KIF16B: variants seen among roughly 807,000 people sequenced by gnomAD.
KIF16B encodes kinesin-like protein KIF16B.
KIF16B carries 98 observed loss-of-function variants against 156.3 expected under a neutral mutation model. That is an observed-to-expected ratio of 0.63 (90% confidence interval 0.53 to 0.74). The LOEUF is 0.74. KIF16B is among the 30% of genes least tolerant of loss of function. The pLI is 0.00. For synonymous variants in KIF16B, 564 were observed against 583.7 expected (o/e 0.97, Z 0.49); for missense variants, 1,421 against 1,606.5 (o/e 0.88, Z 1.97).
At chr20:16,346,290 A>T (rs148602270) in intron 23 of KIF16B, among the ~76,000 whole-genome samples, 105 of 152,364 alleles carry the variant, frequency 6.9e-4, no homozygotes, top group African/African-American at 2.4e-3. Flanking sequence ...GTCTGTGGGT[A>T]ACACAAATGG....
In KIF16B at chr20:16,379,877, G is replaced by A; in HGVS notation, c.2125C>T (p.Leu709Phe). 6.2e-7 allele frequency: 1 copy of A among 1,614,192 alleles called. No homozygotes were observed. ...EETFLRVQEELQRLKELNNNE... is the reference protein window; with the variant it reads ...EETFLRVQEEFQRLKELNNNE... ...TTGTTGAGTTCTTTGAGTCGTTGGA[G>A]TTCTTCTTGGACGCGGAGAAAGGTC... is the stretch of plus-strand genomic sequence containing the variant. Residue 709 changes from leucine to phenylalanine, a missense_variant, in exon 19 of 26, where the codon CTC becomes TTC. Transcript: ENST00000354981.
intron 16 of KIF16B, among the ~76,000 whole-genome samples, chr20:16,405,479 C>T (rs183465911): frequency 1.3e-5 from 2 of 152,316 alleles, no homozygotes; most frequent in East Asian, 3.9e-4. Flanking sequence ...CAGGAGAAGG[C>T]TGAGGTTTGC....
chr20:16,300,302 C>T lies in KIF16B; in HGVS notation c.3795+12033G>A, dbSNP rs1244414013. Among the ~76,000 whole-genome samples the T allele has an allele frequency of 2.0e-5, 3 of 152,040 alleles. No homozygotes were observed. The East Asian group carries it at 5.8e-4, about 29-fold the overall frequency. ...CTCAAATTTTAGAGTAATGAGTGAG[C>T]CACTTCTAATAAAATATAAATTATC... On this transcript the variant is annotated intron_variant, in intron 25 of 25. Transcript: ENST00000354981.
intron 23 of KIF16B, among the ~76,000 whole-genome samples, chr20:16,348,752 C>G (rs2064280056): frequency 2.6e-5 from 4 of 152,118 alleles, no homozygotes; most frequent in Admixed American, 2.6e-4. Flanking sequence ...AAGCAAGTAG[C>G]CTGTGAGGTA....
chr20:16,324,936 C>T (rs1056673341), intron 24 of KIF16B, among the ~76,000 whole-genome samples: 1 of 151,992 alleles, frequency 6.6e-6, no homozygotes, highest in Non-Finnish European at 1.5e-5. Flanking sequence ...AACAGCGTAT[C>T]AAAAAGATAA....
chr20:16,405,905 C>T lies in KIF16B; in HGVS notation c.1695+469G>A, dbSNP rs535314904. Reference sequence around the variant, plus strand: ...TCCCCATCAGCACTTAAACGTCCTGCCCTTTAGACGTCCCCTTCCAACCAA... The same window carrying T: ...TCCCCATCAGCACTTAAACGTCCTGTCCTTTAGACGTCCCCTTCCAACCAA... On this transcript the variant is annotated intron_variant, in intron 16 of 25. Coordinates refer to ENST00000354981, the MANE Select transcript of KIF16B (RefSeq NM_024704.5). Among the ~76,000 whole-genome samples the T allele has an allele frequency of 2.6e-5, 4 of 152,260 alleles. No homozygotes were observed. The South Asian group carries it at 8.3e-4, about 32-fold the overall frequency.
chr20:16,476,067 G>T (rs972364521), intron 12 of KIF16B, among the ~76,000 whole-genome samples: 1 of 152,166 alleles, frequency 6.6e-6, no homozygotes, highest in African/African-American at 2.4e-5. Context: ...ATTGACAGTG[G>T]TATCTGTCAC....
chr20:16,376,067 C>A (rs2064943776), intron 19 of KIF16B, among the ~76,000 whole-genome samples: 1 of 152,136 alleles, frequency 6.6e-6, no homozygotes, highest in Non-Finnish European at 1.5e-5. Context: ...GACGATGGCA[C>A]CCTTTATTGG....
At chr20:16,384,220 C>A (rs929972244) in intron 17 of KIF16B, among the ~76,000 whole-genome samples, 3 of 152,162 alleles carry the variant, frequency 2.0e-5, no homozygotes, top group African/African-American at 7.2e-5. Context: ...GTGTCACGAA[C>A]TGTGCTAGGC....
chr20:16,517,975 G>T (rs2147096073), intron 3 of KIF16B, among the ~76,000 whole-genome samples: 1 of 152,206 alleles, frequency 6.6e-6, no homozygotes, highest in East Asian at 1.9e-4. Context: ...ATTCCCTAGG[G>T]TTAAAATCTA....
chr20:16,386,164 C>T (rs748056589), intron 17 of KIF16B, among the ~76,000 whole-genome samples: 4 of 151,988 alleles, frequency 2.6e-5, no homozygotes, highest in East Asian at 1.9e-4. Context: ...CCAGGACACA[C>T]GTGTAGAAGG....
At chr20:16,290,092 A>C (rs1311158414) in intron 25 of KIF16B, among the ~76,000 whole-genome samples, 1 of 152,136 alleles carries the variant, frequency 6.6e-6, no homozygotes, top group Non-Finnish European at 1.5e-5. Context: ...CACTGTATAA[A>C]CCTTCAGAGA....
At chr20:16,327,048 T>C (rs2063865142) in intron 24 of KIF16B, among the ~76,000 whole-genome samples, 1 of 135,272 alleles carries the variant, frequency 7.4e-6, no homozygotes, top group African/African-American at 2.9e-5. Flanking sequence ...CACATATATA[T>C]GTATGTATAT....
intron 1 of KIF16B, among the ~76,000 whole-genome samples, chr20:16,549,164 A>G (rs1366011395): frequency 6.7e-6 from 1 of 149,846 alleles, no homozygotes; most frequent in Non-Finnish European, 1.5e-5. Context: ...AGCATTAGGT[A>G]TATCTCCCAA....
At chr20:16,419,092 C>T (rs1420516023) in intron 15 of KIF16B, among the ~76,000 whole-genome samples, 1 of 152,124 alleles carries the variant, frequency 6.6e-6, no homozygotes, top group East Asian at 1.9e-4. Flanking sequence ...TGGGAATTTG[C>T]ATATCTAACA....
chr20:16,536,343 T>C (rs1600650920), intron 1 of KIF16B, among the ~76,000 whole-genome samples: 1 of 151,598 alleles, frequency 6.6e-6, no homozygotes, highest in African/African-American at 2.4e-5. Context: ...GGAATGGGTG[T>C]ACGGGGGTGG....
intron 25 of KIF16B, among the ~76,000 whole-genome samples, chr20:16,289,575 C>T (rs1046433297): frequency 5.0e-4 from 76 of 152,152 alleles, no homozygotes; most frequent in Admixed American, 1.3e-4. Flanking sequence ...GTGTTAAGGC[C>T]GGGCGCGGTG....
chr20:16,367,276 G>T, intron 22 of KIF16B: 1 of 1,612,824 alleles, frequency 6.2e-7, no homozygotes, highest in Non-Finnish European at 8.5e-7. Context: ...CTGGACATTT[G>T]GGGCTTCCTG....
chr20:16,463,661 C>A (rs1243588007), intron 12 of KIF16B, among the ~76,000 whole-genome samples: 1 of 152,114 alleles, frequency 6.6e-6, no homozygotes, highest in Non-Finnish European at 1.5e-5. Context: ...AGTGTAAAAG[C>A]AACAAGTATG....
Sources: gnomAD v4.1 joint callset for allele counts (sites outside exome capture counted in the v4.1 genomes callset) on GRCh38, gnomAD v4.1.1 for gene constraint, MANE v1.5 for transcripts, NCBI Gene and HGNC (gene_info 2026-07-23, HGNC 2026-07-21) for gene names.